Variants in EP400 observed in about 807,000 individuals in gnomAD.
EP400 encodes E1A-binding protein p400.
EP400 carries 105 observed loss-of-function variants against 354.1 expected under a neutral mutation model. That is an observed-to-expected ratio of 0.30 (90% CI 0.25 to 0.35). EP400 has a LOEUF of 0.35. Ranked by LOEUF, EP400 falls within the 10% of genes least tolerant of loss-of-function variation. The pLI is 1.00. For synonymous variants in EP400, 1,646 were observed against 1,716.9 expected (o/e 0.96, Z 1.02); for missense variants, 3,280 against 4,121.0 (o/e 0.80, Z 5.59).
intron 2 of EP400, among the ~76,000 whole-genome samples, chr12:131,969,803 A>G (rs554301039): frequency 3.3e-5 from 5 of 152,316 alleles, no homozygotes; most frequent in Non-Finnish European, 5.9e-5. Context: ...TAATCCCAGC[A>G]CTTTGGGAGG....
chr12:132,029,802 G>C lies in EP400; in HGVS notation c.5483G>C (p.Gly1828Ala). Reference protein sequence around the residue: ...YSHRMRILRQGLREHAAPYFQ... With the variant: ...YSHRMRILRQALREHAAPYFQ... Reference sequence around the variant, plus strand: ...CACAGAATGAGGATCTTGAGGCAGGGCCTGAGAGAGCACGCTGCGCCGTAC... The same window carrying C: ...CACAGAATGAGGATCTTGAGGCAGGCCCTGAGAGAGCACGCTGCGCCGTAC... The change falls in exon 28 of 53, where the codon GGC becomes GCC. Residue 1828 changes from glycine (G) to alanine (A), a missense_variant. Around this residue, in one of 20 missense-constraint regions of EP400, gnomAD observed 459 missense variants for 496.9 expected, o/e 0.92. Transcript: ENST00000389561. The surrounding 1 kb of genome is among the most constrained non-coding windows in gnomAD (Gnocchi z 4.7). 6.2e-7 allele frequency: 1 copy of C among 1,613,584 alleles called. No homozygotes were observed. Among genetic ancestry groups the C allele is most frequent in the Non-Finnish European group, 8.5e-7 (1 of 1,180,048 alleles).
Position 132,029,469 on chromosome 12 carries a change from G to A in EP400, c.5382-232G>A, listed in dbSNP as rs1455946971. On this transcript the variant is annotated intron_variant, in intron 27 of 52. Coordinates refer to ENST00000389561, the MANE Select transcript of EP400 (RefSeq NM_015409.5). This position sits in a 1 kb window ranked among gnomAD's most constrained non-coding sequence, Gnocchi z 4.7. ...CCACCCCCATTGATCCATCAGCCCT[G>A]GACTGTCTGAATTAGTCCCCGAGGT... 1.7e-6 allele frequency: 1 copy of A among 594,060 alleles called. No individual in the cohort carries two copies. Among genetic ancestry groups the A allele is most frequent in the African/African-American group, 1.9e-5 (1 of 53,770 alleles). 36.8% of individuals were successfully genotyped at this position (594,060 alleles called of 1,614,324 possible). A position where few individuals can be genotyped will look rare whatever the true frequency, so the allele number is the denominator to read the frequency against.
At chr12:132,001,446 G>A (rs1893410903) in intron 12 of EP400, among the ~76,000 whole-genome samples, 1 of 152,218 alleles carries the variant, frequency 6.6e-6, no homozygotes, top group Non-Finnish European at 1.5e-5. Context: ...AGAGCCACGT[G>A]TACAGGATGG....
intron 23 of EP400, 37 bp from the exon 24 acceptor site, chr12:132,023,740 A>G (rs775306834): frequency 1.3e-6 from 2 of 1,599,508 alleles, no homozygotes; most frequent in South Asian, 1.1e-5. Flanking sequence ...TTTTTCCAAA[A>G]TGATCTGAAT....
intron 11 of EP400, among the ~76,000 whole-genome samples, chr12:131,993,452 G>A (rs1321158491): frequency 6.6e-6 from 1 of 152,182 alleles, no homozygotes; most frequent in African/African-American, 2.4e-5. Flanking sequence ...AAAGGATTAG[G>A]TCATTTCTTC....
At chr12:131,992,072 C>T in intron 10 of EP400, 101 bp from the exon 11 acceptor site, 4 of 1,305,714 alleles carry the variant, frequency 3.1e-6, no homozygotes, top group South Asian at 2.4e-5. Context: ...AGCAGGCTTG[C>T]CCCGGGGCTC....
chr12:132,001,369 G>A (rs1478709068), intron 12 of EP400, among the ~76,000 whole-genome samples: 2 of 152,148 alleles, frequency 1.3e-5, no homozygotes, highest in East Asian at 1.9e-4. Flanking sequence ...GACAGCTTAC[G>A]CCATTATTTC....
In EP400 at chr12:132,067,055, G is replaced by T; in HGVS notation, c.8749+86G>T. 7.0e-7 allele frequency: 1 copy of T among 1,424,890 alleles called. No individual in the cohort carries two copies. Among genetic ancestry groups the T allele is most frequent in the South Asian group, 1.5e-5 (1 of 67,682 alleles). 88.3% of individuals were successfully genotyped at this position (1,424,890 alleles called of 1,614,324 possible). A position where few individuals can be genotyped will look rare whatever the true frequency, so the allele number is the denominator to read the frequency against. ...GTGGCAGTGGTCGCCAGCGACCCGT[G>T]TTCTTTCCTCACACCCACCCACTTG... On this transcript the variant is annotated intron_variant, in intron 49 of 52. Transcript: ENST00000389561. The surrounding 1 kb of genome is among the most constrained non-coding windows in gnomAD (Gnocchi z 5.3).
chr12:132,003,272 A>T (rs541042114), intron 12 of EP400, among the ~76,000 whole-genome samples: 2 of 152,184 alleles, frequency 1.3e-5, no homozygotes, highest in South Asian at 4.1e-4. Flanking sequence ...TACAAAAAAG[A>T]TACCAAAAAA....
At chr12:131,959,436 A>C (rs1461813077) in intron 1 of EP400, among the ~76,000 whole-genome samples, 1 of 152,086 alleles carries the variant, frequency 6.6e-6, no homozygotes, top group Non-Finnish European at 1.5e-5. Flanking sequence ...TAGATACTGG[A>C]GTCTGTAGCC....
intron 30 of EP400, among the ~76,000 whole-genome samples, chr12:132,032,483 A>G (rs1894547653): frequency 6.6e-6 from 1 of 152,218 alleles, no homozygotes; most frequent in South Asian, 2.1e-4. Context: ...TACGTGTGGT[A>G]CCTCTTGCAG....
intron 25 of EP400, among the ~76,000 whole-genome samples, chr12:132,026,120 C>T (rs1025175852): frequency 6.6e-5 from 10 of 152,126 alleles, no homozygotes; most frequent in African/African-American, 2.4e-4. Flanking sequence ...CTCCGTTTCC[C>T]CTGGGAGTGG....
chr12:132,027,374 G>A lies in EP400; in HGVS notation c.5015-63G>A. 6.5e-7 allele frequency: 1 copy of A among 1,532,972 alleles called. No homozygotes were observed. Among genetic ancestry groups the A allele is most frequent in the South Asian group, 1.1e-5 (1 of 88,834 alleles). 95.0% of individuals were successfully genotyped at this position (1,532,972 alleles called of 1,614,324 possible). Reference sequence around the variant, plus strand: ...AGGGTGAGGTTCCATGGAGCATGCTGGTGTCAGATGAAATCCTGTGAACTT... The same window carrying A: ...AGGGTGAGGTTCCATGGAGCATGCTAGTGTCAGATGAAATCCTGTGAACTT... On this transcript the variant is annotated intron_variant, in intron 25 of 52. Coordinates refer to ENST00000389561, the MANE Select transcript of EP400 (RefSeq NM_015409.5). This position sits in a 1 kb window ranked among gnomAD's most constrained non-coding sequence, Gnocchi z 4.9.
Position 132,027,886 on chromosome 12 carries a change from G to A in EP400, c.5110-131G>A. The A allele has an allele frequency of 1.0e-6, 1 of 987,366 alleles. No individual in the cohort carries two copies. Among genetic ancestry groups the A allele is most frequent in the Non-Finnish European group, 1.5e-6 (1 of 676,440 alleles). 61.2% of individuals were successfully genotyped at this position (987,366 alleles called of 1,614,324 possible). A position where few individuals can be genotyped will look rare whatever the true frequency, so the allele number is the denominator to read the frequency against. ...GGCTTCATTTCTATCTCTATTTCCTGTAACACAAGACCGGGGATATTGAAG... is the reference window on the plus strand; with the variant it reads ...GGCTTCATTTCTATCTCTATTTCCTATAACACAAGACCGGGGATATTGAAG... On this transcript the variant is annotated intron_variant, in intron 26 of 52. Transcript: ENST00000389561. The surrounding 1 kb of genome is among the most constrained non-coding windows in gnomAD (Gnocchi z 4.9).
intron 39 of EP400, among the ~76,000 whole-genome samples, chr12:132,047,732 CAG>C (rs1444531867): frequency 1.3e-5 from 2 of 152,174 alleles, no homozygotes; most frequent in Admixed American, 1.3e-4. Flanking sequence ...TATCAGGAAA[CAG>C]GGTTTGAGAG....
intron 1 of EP400, among the ~76,000 whole-genome samples, chr12:131,953,376 C>T (rs1891586124): frequency 6.6e-6 from 1 of 152,184 alleles, no homozygotes. Flanking sequence ...TGAAATAGAT[C>T]CCACCTGTTC....
Position 131,981,549 on chromosome 12 carries a change from G to A in EP400, c.1496G>A (p.Gly499Glu), listed in dbSNP as rs775524582. ...GHQGVVFQHP[G>E]ADAGVPLQQL... is the part of the protein sequence containing the mutation. ...CAAGGGGTAGTTTTCCAGCACCCAGGGGCGGACGCAGGCGTTCCTCTCCAG... is the reference window on the plus strand; with the variant it reads ...CAAGGGGTAGTTTTCCAGCACCCAGAGGCGGACGCAGGCGTTCCTCTCCAG... The change falls in exon 4 of 53, where the codon GGG becomes GAG. Residue 499 changes from glycine (G) to glutamate (E), a missense_variant. Physicochemically the swap from Gly to Glu is moderately conservative, Grantham distance 98. This residue lies in a region of EP400 where 800 missense variants were observed against 840.0 expected (regional missense o/e 0.95). Coordinates refer to ENST00000389561, the MANE Select transcript of EP400 (RefSeq NM_015409.5). 6.9e-6 allele frequency: 11 copies of A among 1,602,234 alleles called. No individual in the cohort carries two copies. The highest frequency in any genetic ancestry group is 9.4e-6 in the Non-Finnish European group (11 of 1,174,856).
chr12:132,051,324 G>A (rs548116293), intron 41 of EP400, among the ~76,000 whole-genome samples: 5 of 152,310 alleles, frequency 3.3e-5, no homozygotes, highest in Admixed American at 3.3e-4. Flanking sequence ...AGACGAGAGA[G>A]CGTAGAAATA....
In EP400 at chr12:132,045,076, A is replaced by G. The variant is rs1043538108; in HGVS notation, c.6784+123A>G. On this transcript the variant is annotated intron_variant, in intron 37 of 52. Transcript: ENST00000389561. The stretch of plus-strand genomic sequence containing the variant: ...CCTGTCTGCTGCAGGGCTAGCGATC[A>G]CACGCCCATCCGCTGCCTCTCAGGC... 16 of 1,434,460 alleles carry G rather than the reference A, an allele frequency of 1.1e-5. No homozygotes were observed. In the African/African-American group the frequency reaches 2.0e-4, roughly 18 times the overall value. The allele number at this position is 1,434,460 out of a possible 1,614,324, so 88.9% of individuals were successfully genotyped here. A position where few individuals can be genotyped will look rare whatever the true frequency, so the allele number is the denominator to read the frequency against.
Sources: gnomAD v4.1 joint callset for allele counts (sites outside exome capture counted in the v4.1 genomes callset) on GRCh38, gnomAD v4.1.1 for gene constraint, gnomAD v4.1.1 regional missense constraint, Gnocchi (gnomAD v3.1) non-coding constraint, MANE v1.5 for transcripts, NCBI Gene and HGNC (gene_info 2026-07-23, HGNC 2026-07-21) for gene names.